The following ZNF496 variants were observed in gnomAD, a reference collection of about 807,000 sequenced individuals.
ZNF496 encodes NSD1 (nuclear receptor binding SET-domain containing 1)-interacting zinc finger protein 1.
ZNF496 carries 11 observed loss-of-function variants against 58.9 expected under a neutral mutation model. The ratio of observed to expected loss-of-function variants is 0.19; its 90% CI spans 0.12 to 0.31. The LOEUF is 0.31. Ranked by LOEUF, ZNF496 falls within the 10% of genes least tolerant of loss-of-function variation. The probability of loss-of-function intolerance (pLI) is 1.00; values close to 1 mark genes in which losing one functional copy is unlikely to be tolerated. For synonymous variants in ZNF496, 338 were observed against 318.2 expected, an observed-to-expected ratio of 1.06 and a Z score of -0.66; for missense variants, 660 against 783.0, an observed-to-expected ratio of 0.84 and a Z score of 1.88.
chr1:247,306,630 T>C (rs1659422433), intron 9 of ZNF496, among the ~76,000 whole-genome samples: 1 of 151,796 alleles, frequency 6.6e-6, no homozygotes, highest in Non-Finnish European at 1.5e-5. Flanking sequence ...GCCTCCCCAG[T>C]AGCTGAGACT....
chr1:247,299,154 G>A lies in ZNF496; in HGVS notation c.*1365C>T, dbSNP rs1659160232. The stretch of plus-strand genomic sequence containing the variant: ...AATGCTGTCCCTTTCAAATTCCGAT[G>A]TTGAAGTCCCAACCTCTAGTACCTC... On this transcript the variant is annotated 3_prime_UTR_variant, in exon 10 of 10. Transcript: ENST00000682384. The A allele has an allele frequency of 6.6e-6, 1 of 152,244 alleles. No individual in the cohort carries two copies. Among genetic ancestry groups the A allele is most frequent in the African/African-American group, 2.4e-5 (1 of 41,466 alleles). 9.4% of individuals were successfully genotyped at this position (152,244 alleles called of 1,614,324 possible).
intron 4 of ZNF496, 63 bp from the exon 5 acceptor site, chr1:247,328,929 G>C (rs565333126): frequency 2.5e-4 from 382 of 1,525,872 alleles, no homozygotes; most frequent in Non-Finnish European, 3.3e-4. Context: ...CCTGGGCCTG[G>C]TGACCATCCA....
At position 247,323,146 on chromosome 1, in the gene ZNF496, C is replaced by T. The variant is rs750797777; in HGVS notation, c.651+8G>A. On this transcript the variant is annotated splice_region_variant and intron_variant, in intron 6 of 9. Transcript: ENST00000682384. ...GGATTTTCAAGGACTCCTGTAGAAA[C>T]CACTCACCGGGGGTAGCTGGAGGGT... The T allele has an allele frequency of 1.2e-6, 2 of 1,612,930 alleles. No homozygotes were observed. The highest frequency in any genetic ancestry group is 3.3e-5 in the Admixed American group (2 of 59,978).
intron 6 of ZNF496, among the ~76,000 whole-genome samples, chr1:247,320,844 T>C (rs907272327): frequency 5.3e-5 from 8 of 152,302 alleles, no homozygotes; most frequent in Middle Eastern, 3.4e-3. Flanking sequence ...CAAGGTGATA[T>C]ATACACACAT....
At chr1:247,313,637 T>C (rs1352174285) in intron 6 of ZNF496, 3 of 152,334 alleles carry the variant, frequency 2.0e-5, no homozygotes, top group African/African-American at 7.2e-5. Flanking sequence ...GTTACCAACA[T>C]GCCCACCCTT....
intron 9 of ZNF496, chr1:247,304,101 T>C: frequency 2.4e-6 from 1 of 413,634 alleles, no homozygotes; most frequent in Non-Finnish European, 4.7e-6. Context: ...AGGCTAGGAC[T>C]TCTGGGATTC....
At chr1:247,307,776 T>C (rs543536790) in intron 9 of ZNF496, 290 of 985,386 alleles carry the variant, frequency 2.9e-4, no homozygotes, top group Middle Eastern at 2.1e-3. Flanking sequence ...AAAACTACAA[T>C]GACACGTGGG....
At chr1:247,301,488 A>G (rs1411764471) in intron 9 of ZNF496, among the ~76,000 whole-genome samples, 1 of 152,130 alleles carries the variant, frequency 6.6e-6, no homozygotes, top group Non-Finnish European at 1.5e-5. Context: ...TGTCCAGAGC[A>G]TGCTGGGCAC....
intron 5 of ZNF496, among the ~76,000 whole-genome samples, 189 bp from the exon 6 acceptor site, chr1:247,323,419 A>G (rs1436216029): frequency 2.0e-5 from 3 of 152,198 alleles, no homozygotes; most frequent in African/African-American, 7.2e-5. Flanking sequence ...CTGTAAAATG[A>G]GGATTACAAA....
intron 9 of ZNF496, among the ~76,000 whole-genome samples, chr1:247,302,474 T>TGTG (rs60422938): frequency 2.6e-4 from 39 of 150,720 alleles, no homozygotes; most frequent in South Asian, 6.3e-4. Flanking sequence ...GAGATTGTGT[T>TGTG]TGTGTGTGTG....
At chr1:247,310,139 T>TCGGA (rs1659546480) in intron 7 of ZNF496, 185 bp downstream of exon 7, 1 of 1,439,576 alleles carries the variant, frequency 6.9e-7, no homozygotes, top group Admixed American at 2.8e-5. Flanking sequence ...TGATGGTCAA[T>TCGGA]CGGACACACT....
chr1:247,307,456 A>C (rs1298699253), intron 9 of ZNF496: 1 of 985,418 alleles, frequency 1.0e-6, no homozygotes, highest in Non-Finnish European at 1.2e-6. Flanking sequence ...GGGCAGAAAG[A>C]AGCTAGAGAA....
intron 9 of ZNF496, among the ~76,000 whole-genome samples, chr1:247,302,632 C>A (rs758192447): frequency 1.1e-4 from 17 of 152,102 alleles, no homozygotes; most frequent in Admixed American, 7.2e-4. Flanking sequence ...TGAGCCACTG[C>A]GCCCGCCGAG....
chr1:247,311,868 C>T (rs1425724003), intron 6 of ZNF496: 2 of 152,300 alleles, frequency 1.3e-5, no homozygotes, highest in Non-Finnish European at 2.9e-5. Flanking sequence ...GATGGCCCCA[C>T]CATCTAGGGC....
chr1:247,316,138 GTGT>G (rs1659760550), intron 6 of ZNF496, among the ~76,000 whole-genome samples: 10 of 56,048 alleles, frequency 1.8e-4, no homozygotes, highest in Admixed American at 5.9e-4. Context: ...GGAGAGGGGT[GTGT>G]GTGTGTGTGT....
intron 6 of ZNF496, among the ~76,000 whole-genome samples, chr1:247,322,267 G>C (rs1181115682): frequency 6.6e-6 from 1 of 152,144 alleles, no homozygotes; most frequent in Non-Finnish European, 1.5e-5. Flanking sequence ...TGGGTGACAA[G>C]GCAAGACCCT....
Position 247,300,750 on chromosome 1 carries a change from C to A in ZNF496, c.1533G>T (p.Glu511Asp). 6.2e-7 allele frequency: 1 copy of A among 1,610,462 alleles called. No individual in the cohort carries two copies. Among genetic ancestry groups the A allele is most frequent in the Non-Finnish European group, 8.5e-7 (1 of 1,177,254 alleles). Reference protein sequence around the residue: ...ASEDADKGPKEPLENGKAKLS... With the variant: ...ASEDADKGPKDPLENGKAKLS... ...GTTTGGCCTTGCCGTTTTCCAGCGG[C>A]TCTTTGGGACCCTTGTCCGCGTCCT... Residue 511 changes from glutamate to aspartate, a missense_variant, in exon 10 of 10, where the codon GAG (glutamate) becomes GAT (aspartate). Coordinates refer to ENST00000682384, the MANE Select transcript of ZNF496 (RefSeq NM_032752.3). The surrounding 1 kb of genome is among the most constrained non-coding windows in gnomAD (Gnocchi z 5.7).
In ZNF496 at chr1:247,323,825, C is replaced by A. The variant is rs565447689; in HGVS notation, c.575-595G>T. On this transcript the variant is annotated intron_variant, in intron 5 of 9. Transcript: ENST00000682384. ...CGTAGAGTTGAGGAATCTATAAGGA[C>A]TCTTAGGGTCTGGATGTGGTGGCTC... Among the ~76,000 whole-genome samples, 4 of 151,152 alleles carry A rather than the reference C, an allele frequency of 2.6e-5. No homozygotes were observed. The East Asian group carries it at 7.8e-4, about 29-fold the overall frequency.
At chr1:247,323,671 A>G (rs1228683634) in intron 5 of ZNF496, among the ~76,000 whole-genome samples, 2 of 151,868 alleles carry the variant, frequency 1.3e-5, no homozygotes, top group African/African-American at 4.8e-5. Flanking sequence ...AATCTCAGCT[A>G]TTCTTATTTT....
Sources: gnomAD v4.1 joint callset for allele counts (sites outside exome capture counted in the v4.1 genomes callset) on GRCh38, gnomAD v4.1.1 for gene constraint, Gnocchi (gnomAD v3.1) non-coding constraint, MANE v1.5 for transcripts, NCBI Gene and HGNC (gene_info 2026-07-23, HGNC 2026-07-21) for gene names.